The following ADCY2 variants were observed in gnomAD, a reference collection of about 807,000 sequenced individuals.
The protein encoded by ADCY2 is adenylate cyclase 2.
ADCY2 carries 31 observed loss-of-function variants against 125.2 expected under a neutral mutation model. That is an observed-to-expected ratio of 0.25 (90% CI 0.19 to 0.33). ADCY2 has a LOEUF of 0.33. Among genes scored for constraint, ADCY2 ranks in the 10% least tolerant of loss-of-function variants. ADCY2 has a pLI of 1.00. For missense variants in ADCY2, 904 were observed against 1,418.2 expected (o/e 0.64, Z 5.82); for synonymous variants, 512 against 548.4 (o/e 0.93, Z 0.93).
intron 24 of ADCY2, among the ~76,000 whole-genome samples, chr5:7,822,256 T>C (rs1745324434): frequency 6.6e-6 from 1 of 152,262 alleles, no homozygotes; most frequent in South Asian, 2.1e-4. Context: ...TTTTGTATCA[T>C]GGTTTGGAAA....
chr5:7,820,740 T>A lies in ADCY2; in HGVS notation c.3123+51T>A, dbSNP rs1404628027. 4 of 1,568,102 alleles carry A rather than the reference T, an allele frequency of 2.6e-6. No individual in the cohort carries two copies. In the African/African-American group the frequency reaches 5.5e-5, roughly 21 times the overall value. The stretch of plus-strand genomic sequence containing the variant: ...CCTGCATCAACCATGTCTGTTCTCT[T>A]GGGAACCATAAATAAGTATAATAAG... On this transcript the variant is annotated intron_variant, in intron 24 of 24. Coordinates refer to ENST00000338316, the MANE Select transcript of ADCY2 (RefSeq NM_020546.3).
rs191380665 is a variant in ADCY2 at position 7,807,018 on chromosome 5, G to A, written c.2883+2326G>A. Among the ~76,000 whole-genome samples the A allele has an allele frequency of 3.9e-5, 6 of 152,122 alleles. No homozygotes were observed. The East Asian group carries it at 1.2e-3, about 30-fold the overall frequency. Reference sequence around the variant, plus strand: ...AGGCTTCTCCAGCTCATCTAATGAGGGCCATCAGGAGCACTTCACCTGATC... The same window carrying A: ...AGGCTTCTCCAGCTCATCTAATGAGAGCCATCAGGAGCACTTCACCTGATC... On this transcript the variant is annotated intron_variant, in intron 22 of 24. Coordinates refer to ENST00000338316, the MANE Select transcript of ADCY2 (RefSeq NM_020546.3).
At chr5:7,414,800 T>G in intron 2 of ADCY2, 30 bp downstream of exon 2, 1 of 1,567,042 alleles carries the variant, frequency 6.4e-7, no homozygotes, top group Non-Finnish European at 8.7e-7. Flanking sequence ...TTTGTACTTC[T>G]TTTATGTCTT....
chr5:7,624,109 G>C lies in ADCY2; in HGVS notation c.571-2058G>C, dbSNP rs150027645. On this transcript the variant is annotated intron_variant, in intron 3 of 24. Transcript: ENST00000338316. ...CATCATTCTGGACCCCACTTCTATT[G>C]TGCATTTGCATTTATTCAGAGAGAA... Among the ~76,000 whole-genome samples the C allele has an allele frequency of 7.3e-3, 1,106 of 152,222 alleles. 12 individuals are homozygous for C. Among genetic ancestry groups the C allele is most frequent in the African/African-American group, 0.025 (1,040 of 41,544 alleles).
chr5:7,635,207 A>C (rs1178865099), intron 4 of ADCY2, among the ~76,000 whole-genome samples: 1 of 152,156 alleles, frequency 6.6e-6, no homozygotes, highest in African/African-American at 2.4e-5. Flanking sequence ...GTAAGATAGC[A>C]ACGTAAACTG....
intron 2 of ADCY2, among the ~76,000 whole-genome samples, chr5:7,457,028 A>C (rs182112328): frequency 3.9e-5 from 6 of 152,332 alleles, no homozygotes; most frequent in Admixed American, 3.9e-4. Flanking sequence ...GCTCCACCCC[A>C]GAACAACTGA....
At chr5:7,670,688 C>T (rs1485019557) in intron 4 of ADCY2, among the ~76,000 whole-genome samples, 1 of 152,150 alleles carries the variant, frequency 6.6e-6, no homozygotes, top group African/African-American at 2.4e-5. Flanking sequence ...AACTGTTCAC[C>T]CTCAGATCAT....
At chr5:7,485,640 A>G (rs1742899042) in intron 2 of ADCY2, among the ~76,000 whole-genome samples, 1 of 152,192 alleles carries the variant, frequency 6.6e-6, no homozygotes, top group Admixed American at 6.5e-5. Context: ...CATCTGGTGA[A>G]CTATCCTAAG....
At chr5:7,776,513 C>G (rs1167239855) in intron 18 of ADCY2, among the ~76,000 whole-genome samples, 1 of 152,186 alleles carries the variant, frequency 6.6e-6, no homozygotes, top group Non-Finnish European at 1.5e-5. Flanking sequence ...GCCCCTAGAC[C>G]TGCTCCTCAT....
At chr5:7,407,824 AATTCTGGCACAG>A (rs1463621319) in intron 1 of ADCY2, among the ~76,000 whole-genome samples, 3 of 151,530 alleles carry the variant, frequency 2.0e-5, no homozygotes, top group Admixed American at 6.6e-5. Flanking sequence ...GTTGCCTCAA[AATTCTGGCACAG>A]ATTCTGGCAC....
intron 3 of ADCY2, among the ~76,000 whole-genome samples, chr5:7,539,495 C>T (rs1389680040): frequency 6.6e-6 from 1 of 152,140 alleles, no homozygotes; most frequent in Non-Finnish European, 1.5e-5. Flanking sequence ...AAATAATTAG[C>T]CATAGTCAAG....
chr5:7,647,511 A>G (rs1738942216), intron 4 of ADCY2, among the ~76,000 whole-genome samples: 1 of 152,112 alleles, frequency 6.6e-6, no homozygotes. Flanking sequence ...ATGACCTGTG[A>G]ATGGATGGTT....
At chr5:7,410,841 T>C (rs188572467) in intron 1 of ADCY2, among the ~76,000 whole-genome samples, 70 of 152,244 alleles carry the variant, frequency 4.6e-4, no homozygotes, top group African/African-American at 1.6e-3. Flanking sequence ...AGTCTGTCTG[T>C]TTTATATTCT....
intron 19 of ADCY2, among the ~76,000 whole-genome samples, chr5:7,785,596 C>T (rs1490242720): frequency 2.6e-5 from 4 of 152,000 alleles, no homozygotes; most frequent in African/African-American, 7.2e-5. Context: ...TCTTTTCTCA[C>T]GACTGGCCGT....
intron 3 of ADCY2, among the ~76,000 whole-genome samples, chr5:7,602,333 C>G (rs1404542119): frequency 6.6e-6 from 1 of 152,182 alleles, no homozygotes; most frequent in Non-Finnish European, 1.5e-5. Flanking sequence ...CTCTCTTAAC[C>G]ATATAATAGC....
intron 22 of ADCY2, among the ~76,000 whole-genome samples, chr5:7,813,701 T>C (rs998693246): frequency 6.6e-6 from 1 of 152,246 alleles, no homozygotes; most frequent in Non-Finnish European, 1.5e-5. Flanking sequence ...TTACTGATGT[T>C]GAATTAAACT....
intron 20 of ADCY2, chr5:7,798,610 T>C (rs326139): frequency 0.68 from 95,341 of 140,636 alleles, 32,787 homozygotes; most frequent in South Asian, 0.8. Flanking sequence ...GACGGAGTCT[T>C]GCTCTGTCAC....
chr5:7,674,080 C>CGT (rs201551433), intron 4 of ADCY2, among the ~76,000 whole-genome samples: 2 of 1,602 alleles, frequency 1.2e-3, no homozygotes, highest in African/African-American at 1.4e-3. Context: ...CCAGTCTCAG[C>CGT]GTGTGTCGTC....
chr5:7,426,354 A>G (rs1740388005), intron 2 of ADCY2, among the ~76,000 whole-genome samples: 1 of 152,184 alleles, frequency 6.6e-6, no homozygotes, highest in Admixed American at 6.5e-5. Flanking sequence ...TATTTCTCTC[A>G]ATTCTGGAGG....
Sources: gnomAD v4.1 joint callset for allele counts (sites outside exome capture counted in the v4.1 genomes callset) on GRCh38, gnomAD v4.1.1 for gene constraint, MANE v1.5 for transcripts, NCBI Gene and HGNC (gene_info 2026-07-23, HGNC 2026-07-21) for gene names.